The following GEMIN5 variants were observed in gnomAD, a reference collection of about 807,000 sequenced individuals.
GEMIN5 encodes the protein gem nuclear organelle associated protein 5, also known as gem-associated protein 5.
In GEMIN5, 124 loss-of-function variants were observed where a neutral mutation model predicts 176.9. The observed-to-expected ratio is 0.70, with a 90% CI of 0.61 to 0.81. The LOEUF (loss-of-function observed/expected upper bound fraction) is 0.81. Among genes scored for constraint, GEMIN5 ranks in the 40% least tolerant of loss-of-function variants. GEMIN5 has a pLI of 0.00. For synonymous variants in GEMIN5, 673 were observed against 665.2 expected (o/e 1.01, Z -0.18); for missense variants, 1,843 against 1,814.6 (o/e 1.02, Z -0.28).
intron 10 of GEMIN5, among the ~76,000 whole-genome samples, chr5:154,920,587 G>T (rs1193301739): frequency 6.6e-6 from 1 of 152,184 alleles, no homozygotes; most frequent in Non-Finnish European, 1.5e-5. Flanking sequence ...AGTAATTCTG[G>T]TGGGTTTCTA....
At chr5:154,916,697 A>G (rs1582666236) in intron 13 of GEMIN5, among the ~76,000 whole-genome samples, 2 of 152,174 alleles carry the variant, frequency 1.3e-5, no homozygotes, top group East Asian at 1.9e-4. Flanking sequence ...GAGCCTCACT[A>G]TTTAACAGGC....
At chr5:154,902,956 T>C in intron 19 of GEMIN5, 124 bp downstream of exon 19, 1 of 696,208 alleles carries the variant, frequency 1.4e-6, no homozygotes, top group Non-Finnish European at 2.4e-6. Flanking sequence ...GCTCAAAACC[T>C]AGTTAGCTGA....
chr5:154,921,561 C>T (rs946932036), intron 9 of GEMIN5, 136 bp from the exon 10 acceptor site: 7 of 590,910 alleles, frequency 1.2e-5, no homozygotes, highest in Non-Finnish European at 1.5e-5. Flanking sequence ...TCAACAATAT[C>T]TTGCTCCAAA....
At chr5:154,912,802 T>C (rs1218718983) in intron 14 of GEMIN5, 97 bp downstream of exon 14, 3 of 1,027,940 alleles carry the variant, frequency 2.9e-6, no homozygotes, top group South Asian at 1.8e-5. Context: ...ATGATGATAA[T>C]GGGGGAGGGG....
intron 21 of GEMIN5, among the ~76,000 whole-genome samples, chr5:154,900,687 A>G (rs551728149): frequency 6.6e-6 from 1 of 152,210 alleles, no homozygotes; most frequent in East Asian, 1.9e-4. Flanking sequence ...GACATCCACA[A>G]CTCTGCCTGG....
At position 154,912,831 on chromosome 5, in the gene GEMIN5, G is replaced by C. The variant is rs909490335; in HGVS notation, c.1995+68C>G. 13 of 1,369,456 alleles carry C rather than the reference G, an allele frequency of 9.5e-6. No individual in the cohort carries two copies. The African/African-American group carries it at 1.6e-4, about 17-fold the overall frequency. 84.8% of individuals were successfully genotyped at this position (1,369,456 alleles called of 1,614,324 possible). The stretch of plus-strand genomic sequence containing the variant: ...GGAGGGGGAACCTGTTCACAACTGG[G>C]GGAAAAGAAGAAAGAATTTGTTAGA... On this transcript the variant is annotated intron_variant, in intron 14 of 27. Coordinates refer to ENST00000285873, the MANE Select transcript of GEMIN5 (RefSeq NM_015465.5).
intron 27 of GEMIN5, among the ~76,000 whole-genome samples, chr5:154,888,885 T>A (rs1451866165): frequency 2.7e-5 from 4 of 149,740 alleles, no homozygotes; most frequent in Non-Finnish European, 5.9e-5. Context: ...TGAGACAGAG[T>A]CTCGCTCTGT....
rs1367741524 is a variant in GEMIN5, at chr5:154,935,958, T to G, written c.392A>C (p.Lys131Thr). 4 of 1,611,532 alleles carry G rather than the reference T, an allele frequency of 2.5e-6. No individual in the cohort carries two copies. The highest frequency in any genetic ancestry group is 1.3e-5 in the African/African-American group (1 of 74,860). ...VKDLIVSGDE[K>T]GVVFCYWFNR... ...AAACCAGTAACAGAAAACTACTCCTTTTTCATCCCCAGATACTATTAAGTC... is the reference window on the plus strand; with the variant it reads ...AAACCAGTAACAGAAAACTACTCCTGTTTCATCCCCAGATACTATTAAGTC... The change falls in exon 3 of 28, where the codon AAA becomes ACA. Residue 131 changes from lysine (K) to threonine (T), a missense_variant. Lys to Thr is a moderately conservative substitution (Grantham distance 78, BLOSUM62 -1). Coordinates refer to ENST00000285873, the MANE Select transcript of GEMIN5 (RefSeq NM_015465.5).
chr5:154,932,151 C>T lies in GEMIN5; in HGVS notation c.609G>A (p.Trp203Ter), dbSNP rs1764182336. Reference sequence around the variant, plus strand: ...AACAATCTTCACCAGGCAGGGGACACCAGGCTATGGAGTGGATTTCATCAT... The same window carrying T: ...AACAATCTTCACCAGGCAGGGGACATCAGGCTATGGAGTGGATTTCATCAT... ...GHDDEIHSIA[W>*]CPLPGEDCLS... is the part of the protein sequence containing the mutation. The change falls in exon 4 of 28, where the codon TGG becomes TGA. Residue 203 changes from tryptophan (W) to a stop codon, truncating the protein, a stop_gained. Coordinates refer to ENST00000285873, the MANE Select transcript of GEMIN5 (RefSeq NM_015465.5). LOFTEE classifies it high-confidence loss of function. 6.2e-7 allele frequency: 1 copy of T among 1,613,320 alleles called. No homozygotes were observed. Among genetic ancestry groups the T allele is most frequent in the African/African-American group, 1.3e-5 (1 of 74,928 alleles).
Position 154,932,212 on chromosome 5 carries a change from T to C in GEMIN5, c.548A>G (p.Lys183Arg). ...DGIVVIIDISKKGEVIHRLRG... is the reference protein window; with the variant it reads ...DGIVVIIDISRKGEVIHRLRG... The stretch of plus-strand genomic sequence containing the variant: ...AAGCCTATGAATAACTTCTCCTTTC[T>C]TACTGATGTCAATTATCACCACTAT... The change falls in exon 4 of 28, where the codon AAG becomes AGG. Residue 183 changes from lysine to arginine, a missense_variant. Physicochemically the swap from Lys to Arg is conservative, Grantham distance 26 (BLOSUM62 2). Coordinates refer to ENST00000285873, the MANE Select transcript of GEMIN5 (RefSeq NM_015465.5). 6.2e-7 allele frequency: 1 copy of C among 1,611,354 alleles called. No homozygotes were observed. Among genetic ancestry groups the C allele is most frequent in the Non-Finnish European group, 8.5e-7 (1 of 1,177,484 alleles).
chr5:154,924,845 C>G (rs1190933944), intron 8 of GEMIN5, among the ~76,000 whole-genome samples: 1 of 151,862 alleles, frequency 6.6e-6, no homozygotes, highest in South Asian at 2.1e-4. Flanking sequence ...AAAAATTAGC[C>G]AGGCGTGGTG....
In GEMIN5 at chr5:154,919,524, A is replaced by G. The variant is rs1460221105; in HGVS notation, c.1599+443T>C. ...TAAATCTAGAATCATTTTACTAGAA[A>G]ATTAAAAACAAAATGACAATTTTGT... On this transcript the variant is annotated intron_variant, in intron 11 of 27. Coordinates refer to ENST00000285873, the MANE Select transcript of GEMIN5 (RefSeq NM_015465.5). Among the ~76,000 whole-genome samples the G allele has an allele frequency of 4.6e-5, 7 of 152,338 alleles. No individual in the cohort carries two copies. In the East Asian group the frequency reaches 1.3e-3, roughly 29 times the overall value.
chr5:154,910,672 A>G (rs921861541), intron 15 of GEMIN5, among the ~76,000 whole-genome samples: 1 of 152,128 alleles, frequency 6.6e-6, no homozygotes, highest in Non-Finnish European at 1.5e-5. Context: ...AATCTTTCTT[A>G]GCCAGGAATG....
At chr5:154,917,798 G>A (rs1191097268) in intron 12 of GEMIN5, 133 bp downstream of exon 12, 4 of 670,938 alleles carry the variant, frequency 6.0e-6, no homozygotes, top group Non-Finnish European at 1.1e-5. Context: ...GATCAGCGGA[G>A]GATATCAAGA....
chr5:154,937,750 C>T (rs1250127005), intron 1 of GEMIN5, among the ~76,000 whole-genome samples: 2 of 152,206 alleles, frequency 1.3e-5, no homozygotes, highest in African/African-American at 4.8e-5. Flanking sequence ...GCAAGCGGCC[C>T]CACGTGGAAG....
At chr5:154,900,686 A>G (rs528583288) in intron 21 of GEMIN5, among the ~76,000 whole-genome samples, 29 of 152,324 alleles carry the variant, frequency 1.9e-4, no homozygotes, top group African/African-American at 6.7e-4. Flanking sequence ...AGACATCCAC[A>G]ACTCTGCCTG....
In GEMIN5 at chr5:154,927,660, G is replaced by C. The variant is rs921892615; in HGVS notation, c.915-110C>G. On this transcript the variant is annotated intron_variant, in intron 6 of 27. Transcript: ENST00000285873. The stretch of plus-strand genomic sequence containing the variant: ...TGCAAAATGATTTGTTGTCGTTTAA[G>C]GAGAGAAAAATTGCATATGCTGAAA... 1.0e-5 allele frequency: 8 copies of C among 801,000 alleles called. No homozygotes were observed. In the Admixed American group the frequency reaches 2.0e-4, roughly 20 times the overall value. 49.6% of individuals were successfully genotyped at this position (801,000 alleles called of 1,614,324 possible). A position where few individuals can be genotyped will look rare whatever the true frequency, so the allele number is the denominator to read the frequency against.
chr5:154,926,390 T>G (rs375572397), intron 7 of GEMIN5, among the ~76,000 whole-genome samples: 2 of 152,070 alleles, frequency 1.3e-5, no homozygotes, highest in East Asian at 3.9e-4. Context: ...ACCCCCTCAT[T>G]TGGCAAACTC....
At chr5:154,917,662 G>A (rs750446506) in intron 12 of GEMIN5, among the ~76,000 whole-genome samples, 9 of 152,164 alleles carry the variant, frequency 5.9e-5, no homozygotes, top group Non-Finnish European at 1.3e-4. Flanking sequence ...GATTTATGCA[G>A]TTCAACATAG....
Sources: allele counts gnomAD v4.1 joint callset (sites outside exome capture counted in the v4.1 genomes callset), GRCh38; gene constraint gnomAD v4.1.1; transcripts MANE v1.5; gene names NCBI Gene and HGNC (gene_info 2026-07-23, HGNC 2026-07-21).